The following TMEFF2 variants were observed in gnomAD, a reference collection of about 807,000 sequenced individuals.
TMEFF2 encodes transmembrane protein with EGF like and two follistatin like domains 2.
A neutral mutation model predicts 53.8 loss-of-function variants in TMEFF2; 28 were observed. The observed-to-expected ratio is 0.52, with a 90% CI of 0.39 to 0.71. The LOEUF (loss-of-function observed/expected upper bound fraction) is 0.71, where lower values mean the gene tolerates loss of function less well. TMEFF2 is among the 30% of genes least tolerant of loss of function. The pLI, the probability that TMEFF2 is intolerant of heterozygous loss-of-function variation, is 0.00. For missense variants in TMEFF2, 353 were observed against 455.2 expected, an observed-to-expected ratio of 0.78 and a Z score of 2.04; for synonymous variants, 162 against 166.3, an observed-to-expected ratio of 0.97 and a Z score of 0.20.
At chr2:192,030,694 T>C (rs1416849215) in intron 5 of TMEFF2, 2 of 152,026 alleles carry the variant, frequency 1.3e-5, no homozygotes, top group African/African-American at 4.8e-5. Context: ...ATTATTAAGA[T>C]AGTCAAGTTA....
chr2:192,063,450 G>A (rs1473666488), intron 4 of TMEFF2, among the ~76,000 whole-genome samples: 1 of 151,726 alleles, frequency 6.6e-6, no homozygotes, highest in African/African-American at 2.4e-5. Context: ...ACTTTGAAAT[G>A]TATTGTAACT....
chr2:192,118,356 A>C (rs547446578), intron 4 of TMEFF2, among the ~76,000 whole-genome samples: 65 of 152,308 alleles, frequency 4.3e-4, no homozygotes, highest in African/African-American at 1.5e-3. Flanking sequence ...CTTTGCAGTA[A>C]AAATTTTGGG....
chr2:192,008,806 G>C (rs529304491), intron 5 of TMEFF2, among the ~76,000 whole-genome samples: 1 of 152,300 alleles, frequency 6.6e-6, no homozygotes, highest in East Asian at 1.9e-4. Context: ...TTTAGTGATC[G>C]GGGTGGCTTC....
chr2:192,007,237 G>T (rs1686520177), intron 5 of TMEFF2, among the ~76,000 whole-genome samples: 1 of 152,142 alleles, frequency 6.6e-6, no homozygotes, highest in Admixed American at 6.5e-5. Flanking sequence ...CAGATGAGAG[G>T]GACAGGTGAT....
chr2:192,087,549 C>T (rs971622739), intron 4 of TMEFF2, among the ~76,000 whole-genome samples: 7 of 152,064 alleles, frequency 4.6e-5, no homozygotes, highest in Admixed American at 4.6e-4. Context: ...GTTTAAAAAG[C>T]CTAAGGCATA....
chr2:192,061,658 G>A (rs1688047018), intron 4 of TMEFF2, among the ~76,000 whole-genome samples: 2 of 152,102 alleles, frequency 1.3e-5, no homozygotes, highest in Admixed American at 6.6e-5. Flanking sequence ...TGTCCTCTAC[G>A]AATCTCATGT....
At chr2:192,141,389 G>C (rs772275299) in intron 4 of TMEFF2, among the ~76,000 whole-genome samples, 3 of 150,376 alleles carry the variant, frequency 2.0e-5, no homozygotes, top group Non-Finnish European at 1.5e-5. Context: ...AAAGTCGGAG[G>C]TTGCAGTGAG....
intron 7 of TMEFF2, among the ~76,000 whole-genome samples, chr2:191,975,921 C>G (rs2105809438): frequency 6.6e-6 from 1 of 152,206 alleles, no homozygotes; most frequent in African/African-American, 2.4e-5. Flanking sequence ...CCAAAGAAAC[C>G]AGGAGCAAAA....
intron 4 of TMEFF2, 87 bp from the exon 5 acceptor site, chr2:192,057,862 A>G (rs1687949485): frequency 1.3e-5 from 14 of 1,078,502 alleles, no homozygotes; most frequent in Non-Finnish European, 1.9e-5. Flanking sequence ...TAAAGCTGCT[A>G]CTTTCCCAAT....
intron 8 of TMEFF2, 120 bp from the exon 9 acceptor site, chr2:191,953,957 C>CA (rs1691978589): frequency 1.2e-6 from 1 of 836,418 alleles, no homozygotes; most frequent in African/African-American, 1.9e-5. Context: ...TGGCGCATCT[C>CA]GGCTCACTGC....
intron 4 of TMEFF2, among the ~76,000 whole-genome samples, chr2:192,120,032 C>T (rs1333665943): frequency 6.6e-6 from 1 of 152,128 alleles, no homozygotes; most frequent in African/African-American, 2.4e-5. Context: ...CTGAAATAGA[C>T]ATCTCTTTAT....
At chr2:192,192,215 T>C (rs1691478962) in intron 1 of TMEFF2, among the ~76,000 whole-genome samples, 1 of 152,212 alleles carries the variant, frequency 6.6e-6, no homozygotes, top group South Asian at 2.1e-4. Context: ...TTTAGTATCC[T>C]TTTCTGATAG....
intron 7 of TMEFF2, among the ~76,000 whole-genome samples, chr2:191,969,111 A>G (rs1469735243): frequency 3.4e-5 from 5 of 146,736 alleles, no homozygotes; most frequent in Non-Finnish European, 6.0e-5. Flanking sequence ...GTATATATGT[A>G]TGTATGTTTG....
chr2:192,127,208 A>G (rs1290575726), intron 4 of TMEFF2, among the ~76,000 whole-genome samples: 2 of 152,190 alleles, frequency 1.3e-5, no homozygotes, highest in Non-Finnish European at 2.9e-5. Flanking sequence ...AGATTCAATG[A>G]TTCTCTGTCA....
intron 5 of TMEFF2, among the ~76,000 whole-genome samples, chr2:192,001,982 T>G (rs1364599296): frequency 6.6e-6 from 1 of 152,212 alleles, no homozygotes; most frequent in Non-Finnish European, 1.5e-5. Context: ...AACAATTGTG[T>G]GGGATATTTT....
At chr2:192,094,080 G>A (rs1171725004) in intron 4 of TMEFF2, among the ~76,000 whole-genome samples, 1 of 152,002 alleles carries the variant, frequency 6.6e-6, no homozygotes, top group East Asian at 1.9e-4. Flanking sequence ...ATTTTAATGT[G>A]GTTACTTTTG....
chr2:191,953,744 T>G lies in TMEFF2; in HGVS notation c.963A>C (p.Leu321Phe). The part of the protein sequence containing the change: ...VPGPVRFQYV[L>F]IAAVIGTIQI... ...GAATTGTTCCAATCACAGCTGCGAT[T>G]AAGACATACTGAAATCGTACAGGAC... The change falls in exon 9 of 10, where the codon TTA becomes TTC. Residue 321 changes from leucine to phenylalanine, a missense_variant. By Grantham distance (22) the Leu-to-Phe change is conservative. Around this residue, in one of 3 missense-constraint regions of TMEFF2, gnomAD observed 294 missense variants for 397.3 expected, o/e 0.74. Transcript: ENST00000272771. The G allele has an allele frequency of 6.2e-7, 1 of 1,614,192 alleles. No individual in the cohort carries two copies. The highest frequency in any genetic ancestry group is 8.5e-7 in the Non-Finnish European group (1 of 1,180,022).
intron 4 of TMEFF2, among the ~76,000 whole-genome samples, chr2:192,086,626 T>A (rs1235991835): frequency 6.6e-6 from 1 of 152,084 alleles, no homozygotes; most frequent in Non-Finnish European, 1.5e-5. Flanking sequence ...TTCATAGTAA[T>A]AATCAAATTT....
chr2:192,094,008 G>A (rs568884513), intron 4 of TMEFF2, among the ~76,000 whole-genome samples: 53 of 152,268 alleles, frequency 3.5e-4, no homozygotes, highest in African/African-American at 1.2e-3. Flanking sequence ...TCTCACGCCT[G>A]TGGGTTGTTT....
Sources: allele counts gnomAD v4.1 joint callset (sites outside exome capture counted in the v4.1 genomes callset), GRCh38; gene constraint gnomAD v4.1.1; regional missense constraint gnomAD v4.1.1; transcripts MANE v1.5; gene names NCBI Gene and HGNC (gene_info 2026-07-23, HGNC 2026-07-21).